Variants in CDH13 observed in about 807,000 individuals in gnomAD.
CDH13 encodes cadherin 13.
A neutral mutation model predicts 63.8 loss-of-function variants in CDH13; 24 were observed. That is an observed-to-expected ratio of 0.38 (90% CI 0.27 to 0.53). The LOEUF (loss-of-function observed/expected upper bound fraction) is 0.53, where lower values mean the gene tolerates loss of function less well. Ranked by LOEUF, CDH13 falls within the 20% of genes least tolerant of loss-of-function variation. CDH13 has a pLI of 0.85. For missense variants in CDH13, 1,049 were observed against 903.1 expected (o/e 1.16, Z -2.07); for synonymous variants, 503 against 355.3 (o/e 1.42, Z -4.67).
At chr16:82,909,014 G>A (rs891066219) in intron 2 of CDH13, among the ~76,000 whole-genome samples, 4 of 152,086 alleles carry the variant, frequency 2.6e-5, no homozygotes, top group African/African-American at 4.8e-5. Context: ...ATATATGTGG[G>A]GGTCCTGAAA....
chr16:83,671,410 G>T (rs143979938), intron 9 of CDH13, among the ~76,000 whole-genome samples: 17 of 151,864 alleles, frequency 1.1e-4, no homozygotes, highest in African/African-American at 4.1e-4. Context: ...CACCATGTCC[G>T]GCCAGTTTTT....
intron 3 of CDH13, among the ~76,000 whole-genome samples, chr16:83,072,151 C>T (rs1046798801): frequency 6.6e-6 from 1 of 152,066 alleles, no homozygotes; most frequent in African/African-American, 2.4e-5. Context: ...TGAAATTGTG[C>T]ATGTATTTTA....
At chr16:83,578,436 A>G (rs2150717289) in intron 7 of CDH13, among the ~76,000 whole-genome samples, 1 of 152,362 alleles carries the variant, frequency 6.6e-6, no homozygotes, top group South Asian at 2.1e-4. Context: ...AGGCTGAAAT[A>G]TGCTACAGGG....
chr16:82,818,213 A>G (rs1377693056), intron 1 of CDH13, among the ~76,000 whole-genome samples: 1 of 152,018 alleles, frequency 6.6e-6, no homozygotes, highest in African/African-American at 2.4e-5. Context: ...CCTGCTCTGC[A>G]TTTGCTGCCA....
intron 1 of CDH13, among the ~76,000 whole-genome samples, chr16:82,842,982 T>C (rs1780661462): frequency 1.3e-5 from 2 of 152,158 alleles, no homozygotes; most frequent in South Asian, 2.1e-4. Flanking sequence ...GGAGCAGCTA[T>C]AAATACAGAC....
At chr16:83,168,770 A>G (rs901785028) in intron 4 of CDH13, among the ~76,000 whole-genome samples, 2 of 152,162 alleles carry the variant, frequency 1.3e-5, no homozygotes, top group African/African-American at 4.8e-5. Context: ...ATTAAACTAT[A>G]TGTTCAAATT....
chr16:82,956,561 C>G (rs1251323491), intron 2 of CDH13, among the ~76,000 whole-genome samples: 1 of 152,142 alleles, frequency 6.6e-6, no homozygotes. Flanking sequence ...TTTGGAACTC[C>G]TCTTGGATCA....
At chr16:82,915,808 T>A (rs1422786184) in intron 2 of CDH13, among the ~76,000 whole-genome samples, 1 of 150,430 alleles carries the variant, frequency 6.6e-6, no homozygotes, top group African/African-American at 2.5e-5. Context: ...CCCTCTGACA[T>A]ACACCCTCTA....
At chr16:83,426,543 A>ACG (rs1441917804) in intron 6 of CDH13, among the ~76,000 whole-genome samples, 3 of 136,128 alleles carry the variant, frequency 2.2e-5, no homozygotes, top group African/African-American at 8.1e-5. Context: ...ACACACACAC[A>ACG]CTCATGTGGT....
In CDH13 at chr16:83,352,820, G is replaced by T. The variant is rs2090982356; in HGVS notation, c.781+7814G>T. Among the ~76,000 whole-genome samples, 5 of 152,250 alleles carry T rather than the reference G, an allele frequency of 3.3e-5. No individual in the cohort carries two copies. In the South Asian group the frequency reaches 1.0e-3, roughly 32 times the overall value. ...TGGGAGAATGGCATGAACCCGGGAG[G>T]CGGAGTGTACAGTGAACCGAGATCG... On this transcript the variant is annotated intron_variant, in intron 6 of 13. Coordinates refer to ENST00000567109, the MANE Select transcript of CDH13 (RefSeq NM_001257.5).
At chr16:83,084,904 T>G (rs1370350794) in intron 3 of CDH13, among the ~76,000 whole-genome samples, 1 of 152,056 alleles carries the variant, frequency 6.6e-6, no homozygotes, top group Non-Finnish European at 1.5e-5. Flanking sequence ...ATAAAATAGG[T>G]TGAGTAAGTA....
chr16:83,233,273 G>A (rs1396959308), intron 5 of CDH13, among the ~76,000 whole-genome samples: 2 of 152,176 alleles, frequency 1.3e-5, no homozygotes, highest in African/African-American at 4.8e-5. Flanking sequence ...GGCTATGCGT[G>A]AAGCCGACCC....
intron 6 of CDH13, among the ~76,000 whole-genome samples, chr16:83,469,939 T>C (rs1290214907): frequency 1.3e-5 from 2 of 152,238 alleles, no homozygotes; most frequent in African/African-American, 2.4e-5. Flanking sequence ...TGGGAGACTT[T>C]TAAGAGACCC....
intron 7 of CDH13, among the ~76,000 whole-genome samples, chr16:83,493,132 A>G (rs1305853866): frequency 6.6e-6 from 1 of 152,214 alleles, no homozygotes; most frequent in Admixed American, 6.5e-5. Context: ...CTTATTGAAA[A>G]AATTCAAATA....
rs1555528954 is a variant in CDH13, at chr16:83,313,666, A to AAT, written c.637-31196_637-31195insAT. On this transcript the variant is annotated intron_variant, in intron 5 of 13. Coordinates refer to ENST00000567109, the MANE Select transcript of CDH13 (RefSeq NM_001257.5). ...TGTAAAAAAAAAAAAAAAAAAAAAA[A>AAT]GGGAGGTCCTTGGTATTACCAATTT... Among the ~76,000 whole-genome samples, 1,086 of 144,224 alleles carry AAT rather than the reference A, an allele frequency of 7.5e-3. 62 individuals are homozygous for AAT. Among genetic ancestry groups the AAT allele is most frequent in the East Asian group, 0.02 (96 of 4,840 alleles). 94.6% of individuals were successfully genotyped at this position (144,224 alleles called of 152,430 possible). A position where few individuals can be genotyped will look rare whatever the true frequency, so the allele number is the denominator to read the frequency against.
At chr16:83,001,103 G>A (rs376398289) in intron 2 of CDH13, among the ~76,000 whole-genome samples, 20 of 152,202 alleles carry the variant, frequency 1.3e-4, no homozygotes, top group African/African-American at 4.8e-4. Flanking sequence ...GTTTATGTGA[G>A]AATGTTGTCA....
At chr16:82,895,079 T>G (rs2041207424) in intron 2 of CDH13, among the ~76,000 whole-genome samples, 1 of 152,198 alleles carries the variant, frequency 6.6e-6, no homozygotes, top group South Asian at 2.1e-4. Context: ...AATCACTCAT[T>G]TTAAGGTGAA....
intron 7 of CDH13, among the ~76,000 whole-genome samples, chr16:83,553,575 C>T (rs1020262075): frequency 1.3e-5 from 2 of 151,938 alleles, no homozygotes. Context: ...ATTTTTTTCT[C>T]AGATGGAGTA....
At chr16:83,327,417 T>C (rs548682976) in intron 5 of CDH13, among the ~76,000 whole-genome samples, 1 of 152,362 alleles carries the variant, frequency 6.6e-6, no homozygotes, top group African/African-American at 2.4e-5. Flanking sequence ...TCATTTCTTT[T>C]TGTCTATTGA....
Sources: gnomAD v4.1 joint callset for allele counts (sites outside exome capture counted in the v4.1 genomes callset) on GRCh38, gnomAD v4.1.1 for gene constraint, MANE v1.5 for transcripts, NCBI Gene and HGNC (gene_info 2026-07-23, HGNC 2026-07-21) for gene names.